PLCL2: variants seen among roughly 807,000 people sequenced by gnomAD.
PLCL2 encodes the protein phospholipase C like 2.
PLCL2 carries 4 observed loss-of-function variants against 79.6 expected under a neutral mutation model. The ratio of observed to expected loss-of-function variants is 0.05; its 90% CI spans 0.02 to 0.11. The LOEUF is 0.11. Among genes scored for constraint, PLCL2 ranks in the 10% least tolerant of loss-of-function variants. The probability of loss-of-function intolerance (pLI) is 1.00; values close to 1 mark genes in which losing one functional copy is unlikely to be tolerated. For missense variants in PLCL2, 895 were observed against 1,291.0 expected, an observed-to-expected ratio of 0.69 and a Z score of 4.70; for synonymous variants, 484 against 457.7, an observed-to-expected ratio of 1.06 and a Z score of -0.73.
intron 4 of PLCL2, among the ~76,000 whole-genome samples, chr3:17,052,101 A>G (rs1007832404): frequency 3.3e-5 from 5 of 152,184 alleles, no homozygotes; most frequent in African/African-American, 9.7e-5. Context: ...TGAAGATACC[A>G]TTGTTGCTAC....
intron 1 of PLCL2, among the ~76,000 whole-genome samples, chr3:16,917,340 AC>A (rs1245319124): frequency 1.3e-5 from 2 of 152,158 alleles, no homozygotes; most frequent in Non-Finnish European, 2.9e-5. Context: ...TCATTTGGTT[AC>A]CTACAAACTA....
intron 1 of PLCL2, among the ~76,000 whole-genome samples, chr3:16,981,693 A>G (rs1316461152): frequency 6.6e-6 from 1 of 152,238 alleles, no homozygotes; most frequent in African/African-American, 2.4e-5. Flanking sequence ...GTTGTGGTCC[A>G]CTTTATTTCA....
chr3:17,058,830 G>A (rs1431374772), intron 4 of PLCL2, among the ~76,000 whole-genome samples: 1 of 152,110 alleles, frequency 6.6e-6, no homozygotes, highest in African/African-American at 2.4e-5. Flanking sequence ...GAAGTCTAGT[G>A]AATGAGGTAT....
intron 1 of PLCL2, among the ~76,000 whole-genome samples, chr3:16,978,836 T>C (rs1445154449): frequency 6.6e-6 from 1 of 152,252 alleles, no homozygotes; most frequent in African/African-American, 2.4e-5. Context: ...TGGCAGAGAA[T>C]GAAGCAGACT....
chr3:17,064,911 A>G (rs1292088029), intron 4 of PLCL2, among the ~76,000 whole-genome samples: 1 of 148,636 alleles, frequency 6.7e-6, no homozygotes, highest in Non-Finnish European at 1.5e-5. Context: ...CCTGGGCAGC[A>G]GAGTGAGACT....
At chr3:16,891,720 T>A (rs369552343) in intron 1 of PLCL2, among the ~76,000 whole-genome samples, 1 of 152,240 alleles carries the variant, frequency 6.6e-6, no homozygotes, top group Non-Finnish European at 1.5e-5. Context: ...CTCAAAGGCA[T>A]CTCAGCTTGG....
chr3:16,909,456 A>G (rs1696824531), intron 1 of PLCL2, among the ~76,000 whole-genome samples: 2 of 152,340 alleles, frequency 1.3e-5, no homozygotes, highest in South Asian at 4.1e-4. Context: ...TGGCACACCA[A>G]AGCACCCAAT....
rs1347077773 is a variant in PLCL2 at position 16,952,330 on chromosome 3, C to T, written c.328-57344C>T. Among the ~76,000 whole-genome samples the T allele has an allele frequency of 3.4e-5, 4 of 117,892 alleles. No individual in the cohort carries two copies. The East Asian group carries it at 8.5e-4, about 25-fold the overall frequency. 77.3% of individuals were successfully genotyped at this position (117,892 alleles called of 152,430 possible). A position where few individuals can be genotyped will look rare whatever the true frequency, so the allele number is the denominator to read the frequency against. On this transcript the variant is annotated intron_variant, in intron 1 of 5. Transcript: ENST00000615277. ...TGTATACCTATGTAGCAAACCTGCA[C>T]GTTCTGCACATGTATCCCAGAACTT...
intron 1 of PLCL2, among the ~76,000 whole-genome samples, chr3:16,971,939 T>A (rs1024019925): frequency 6.6e-6 from 1 of 152,138 alleles, no homozygotes; most frequent in African/African-American, 2.4e-5. Flanking sequence ...CACATGATTA[T>A]CTCAATAGAT....
At position 17,068,032 on chromosome 3, in the gene PLCL2, G is replaced by A; in HGVS notation, c.3171G>A (p.Val1057=). 6.2e-7 allele frequency: 1 copy of A among 1,608,930 alleles called. No individual in the cohort carries two copies. The highest frequency in any genetic ancestry group is 8.5e-7 in the Non-Finnish European group (1 of 1,175,498). ...AGGAAAGAAAACTACAAAAAGCAGT[G>A]GAGAGCTTTACCTGGAATATTACCA... The part of the protein sequence containing the change: ...GLKERKLQKA[V]ESFTWNITIL... The change falls in exon 5 of 6, where the codon GTG becomes GTA. Residue 1057 remains valine, a synonymous_variant. Coordinates refer to ENST00000615277, the MANE Select transcript of PLCL2 (RefSeq NM_001144382.2).
intron 1 of PLCL2, among the ~76,000 whole-genome samples, chr3:16,898,683 G>A (rs930329888): frequency 5.3e-5 from 8 of 152,198 alleles, no homozygotes; most frequent in African/African-American, 1.9e-4. Context: ...GGTGGAGGAT[G>A]GCTTAGAAGA....
intron 1 of PLCL2, among the ~76,000 whole-genome samples, chr3:16,979,467 A>G (rs2063958827): frequency 1.1e-5 from 1 of 91,488 alleles, no homozygotes; most frequent in African/African-American, 4.8e-5. Context: ...TGGTTTTCCT[A>G]GGCAGAGGAC....
At chr3:17,004,412 C>G (rs556722843) in intron 1 of PLCL2, among the ~76,000 whole-genome samples, 1 of 152,034 alleles carries the variant, frequency 6.6e-6, no homozygotes, top group Non-Finnish European at 1.5e-5. Flanking sequence ...AGAGGAGCGC[C>G]CATGGAGGAG....
rs1242645745 is a variant in PLCL2 at position 17,011,540 on chromosome 3, A to G, written c.2194A>G (p.Ile732Val). Residue 732 changes from isoleucine to valine, a missense_variant, in exon 2 of 6, where the codon ATC (isoleucine) becomes GTC (valine). Physicochemically the swap from Ile to Val is conservative, Grantham distance 29. This residue lies in a region of PLCL2 where 23 missense variants were observed against 86.9 expected (regional missense o/e 0.26). Coordinates refer to ENST00000615277, the MANE Select transcript of PLCL2 (RefSeq NM_001144382.2). This position sits in a 1 kb window ranked among gnomAD's most constrained non-coding sequence, Gnocchi z 7.9. Reference sequence around the variant, plus strand: ...CTGTGGCTATGTCCTCCGGCCAGCCATCATGAGGGAGGAGGTCTCCTTCTT... The same window carrying G: ...CTGTGGCTATGTCCTCCGGCCAGCCGTCATGAGGGAGGAGGTCTCCTTCTT... The part of the protein sequence containing the change: ...GNCGYVLRPA[I>V]MREEVSFFSA... The G allele has an allele frequency of 6.2e-7, 1 of 1,614,186 alleles. No homozygotes were observed. The highest frequency in any genetic ancestry group is 1.7e-5 in the Admixed American group (1 of 60,014).
intron 1 of PLCL2, among the ~76,000 whole-genome samples, chr3:16,931,870 T>C (rs529573941): frequency 5.3e-4 from 80 of 152,278 alleles, no homozygotes; most frequent in Non-Finnish European, 9.1e-4. Context: ...AATTCATACA[T>C]TGAGATACAA....
chr3:17,024,307 G>A (rs1439864469), intron 3 of PLCL2, among the ~76,000 whole-genome samples: 3 of 152,060 alleles, frequency 2.0e-5, no homozygotes, highest in Non-Finnish European at 2.9e-5. Context: ...CCAAGAGAGA[G>A]AAAAAGGAGG....
At chr3:16,914,898 T>G (rs1170462385) in intron 1 of PLCL2, among the ~76,000 whole-genome samples, 1 of 152,126 alleles carries the variant, frequency 6.6e-6, no homozygotes, top group Non-Finnish European at 1.5e-5. Flanking sequence ...GTCCAGCTAA[T>G]TTTTAAATTT....
At chr3:16,894,623 C>CT (rs1393792395) in intron 1 of PLCL2, among the ~76,000 whole-genome samples, 1 of 152,058 alleles carries the variant, frequency 6.6e-6, no homozygotes, top group Non-Finnish European at 1.5e-5. Context: ...TGTCTTTTTG[C>CT]TTTTTGATTG....
intron 4 of PLCL2, among the ~76,000 whole-genome samples, chr3:17,043,755 G>A (rs987858236): frequency 6.6e-6 from 1 of 151,444 alleles, no homozygotes; most frequent in Non-Finnish European, 1.5e-5. Context: ...AAAATAGATT[G>A]AAGATAAGGA....
Sources: allele counts gnomAD v4.1 joint callset (sites outside exome capture counted in the v4.1 genomes callset), GRCh38; gene constraint gnomAD v4.1.1; regional missense constraint gnomAD v4.1.1; non-coding constraint Gnocchi (gnomAD v3.1); transcripts MANE v1.5; gene names NCBI Gene and HGNC (gene_info 2026-07-23, HGNC 2026-07-21).